The following FLVCR1 variants were observed in gnomAD, a reference collection of about 807,000 sequenced individuals.
FLVCR1 encodes the protein FLVCR choline and heme transporter 1, also known as choline/ethanolamine transporter FLVCR1.
In FLVCR1, 34 loss-of-function variants were observed where a neutral mutation model predicts 53.6. The ratio of observed to expected loss-of-function variants is 0.63; its 90% confidence interval spans 0.48 to 0.84. The LOEUF (loss-of-function observed/expected upper bound fraction) is 0.84. Among genes scored for constraint, FLVCR1 ranks in the 40% least tolerant of loss-of-function variants. The pLI is 0.00. For synonymous variants in FLVCR1, 300 were observed against 286.3 expected, an observed-to-expected ratio of 1.05 and a Z score of -0.48; for missense variants, 677 against 696.7, an observed-to-expected ratio of 0.97 and a Z score of 0.32.
At chr1:212,879,549 G>T (rs10779591) in intron 3 of FLVCR1, among the ~76,000 whole-genome samples, 70,448 of 151,914 alleles carry the variant, frequency 0.46, 17,570 homozygotes, top group East Asian at 0.56. Flanking sequence ...AAAAATTATC[G>T]GTAATAAAGT....
At chr1:212,872,935 C>A in intron 3 of FLVCR1, 117 bp downstream of exon 3, 2 of 999,100 alleles carry the variant, frequency 2.0e-6, no homozygotes, top group Non-Finnish European at 3.1e-6. Flanking sequence ...AACTCTACAG[C>A]ATAATCATGA....
At chr1:212,876,240 T>A (rs1664749149) in intron 3 of FLVCR1, among the ~76,000 whole-genome samples, 1 of 152,150 alleles carries the variant, frequency 6.6e-6, no homozygotes, top group Non-Finnish European at 1.5e-5. Flanking sequence ...CATGTGTCCA[T>A]GTGTTCTCAT....
intron 2 of FLVCR1, among the ~76,000 whole-genome samples, chr1:212,871,502 GTGAAGCGATCC>G (rs1473272313): frequency 3.9e-5 from 6 of 152,082 alleles, no homozygotes; most frequent in Non-Finnish European, 8.8e-5. Context: ...CCTGGGCTCA[GTGAAGCGATCC>G]TGAAGCGATC....
chr1:212,874,054 C>A (rs1281989312), intron 3 of FLVCR1, among the ~76,000 whole-genome samples: 2 of 152,190 alleles, frequency 1.3e-5, no homozygotes, highest in African/African-American at 2.4e-5. Flanking sequence ...GTTGCCCAGA[C>A]TGGAGTGCAG....
Position 212,895,443 on chromosome 1 carries a change from A to G in FLVCR1, c.*153A>G, listed in dbSNP as rs1665308132. The G allele has an allele frequency of 4.5e-6, 3 of 666,328 alleles. No individual in the cohort carries two copies. The highest frequency in any genetic ancestry group is 8.2e-6 in the Non-Finnish European group (3 of 365,808). 41.3% of individuals were successfully genotyped at this position (666,328 alleles called of 1,614,324 possible). A position where few individuals can be genotyped will look rare whatever the true frequency, so the allele number is the denominator to read the frequency against. On this transcript the variant is annotated 3_prime_UTR_variant, in exon 10 of 10. Coordinates refer to ENST00000366971, the MANE Select transcript of FLVCR1 (RefSeq NM_014053.4). Reference sequence around the variant, plus strand: ...TATGAACTCTAAATGCATAATTATTATTTTGCTTAATTGTTAAATTAAGGG... The same window carrying G: ...TATGAACTCTAAATGCATAATTATTGTTTTGCTTAATTGTTAAATTAAGGG...
intron 2 of FLVCR1, among the ~76,000 whole-genome samples, chr1:212,868,081 G>A (rs767140911): frequency 6.6e-6 from 1 of 152,056 alleles, no homozygotes; most frequent in East Asian, 1.9e-4. Flanking sequence ...GGGATTACAG[G>A]TGTGATAATT....
intron 1 of FLVCR1, among the ~76,000 whole-genome samples, chr1:212,861,916 C>A (rs1229687574): frequency 3.3e-5 from 5 of 152,106 alleles, no homozygotes; most frequent in Admixed American, 2.0e-4. Context: ...GTGATCCCCC[C>A]ACCTCGGCCT....
intron 8 of FLVCR1, among the ~76,000 whole-genome samples, chr1:212,890,224 C>T: frequency 6.6e-6 from 1 of 152,154 alleles, no homozygotes; most frequent in East Asian, 1.9e-4. Flanking sequence ...GAACTTTTTC[C>T]AGGTGCATAC....
chr1:212,869,878 T>A (rs1458247599), intron 2 of FLVCR1, among the ~76,000 whole-genome samples: 1 of 152,236 alleles, frequency 6.6e-6, no homozygotes, highest in East Asian at 1.9e-4. Context: ...CAGTTCAGAT[T>A]TGGGCCATTT....
At chr1:212,861,015 G>A (rs973016652) in intron 1 of FLVCR1, among the ~76,000 whole-genome samples, 1 of 152,136 alleles carries the variant, frequency 6.6e-6, no homozygotes, top group African/African-American at 2.4e-5. Flanking sequence ...TTCATCCAGC[G>A]TGGTCTTTTA....
chr1:212,886,765 G>A (rs575875651), intron 5 of FLVCR1, among the ~76,000 whole-genome samples: 1 of 151,970 alleles, frequency 6.6e-6, no homozygotes, highest in South Asian at 2.1e-4. Flanking sequence ...GCGTGCCACT[G>A]GTCTCCAGCC....
intron 2 of FLVCR1, chr1:212,864,556 T>C (rs1664351258): frequency 6.6e-6 from 1 of 152,542 alleles, no homozygotes; most frequent in Non-Finnish European, 1.5e-5. Context: ...TGGGAAACTT[T>C]TGATTTCAGG....
At chr1:212,875,053 T>G (rs993861168) in intron 3 of FLVCR1, among the ~76,000 whole-genome samples, 1 of 152,238 alleles carries the variant, frequency 6.6e-6, no homozygotes, top group Non-Finnish European at 1.5e-5. Context: ...CTATAAGAGC[T>G]GGCTTAATGT....
In FLVCR1 at chr1:212,899,337, CAAAAT is replaced by C. The variant is rs1427329100; in HGVS notation, c.*4051_*4055del. On this transcript the variant is annotated 3_prime_UTR_variant, in exon 10 of 10. Transcript: ENST00000366971. ...TGCTTGTTCTTCAGTATTTCAGACTCAAAATAAATTTATTTTTTTATGTTAATTTT... is the reference window on the plus strand; with the variant it reads ...TGCTTGTTCTTCAGTATTTCAGACTCAAATTTATTTTTTTATGTTAATTTT... 2.6e-5 allele frequency: 4 copies of C among 152,084 alleles called. No homozygotes were observed. The highest frequency in any genetic ancestry group is 7.2e-5 in the African/African-American group (3 of 41,392). 9.4% of individuals were successfully genotyped at this position (152,084 alleles called of 1,614,324 possible).
At chr1:212,861,661 A>G (rs1173604760) in intron 1 of FLVCR1, among the ~76,000 whole-genome samples, 1 of 151,200 alleles carries the variant, frequency 6.6e-6, no homozygotes, top group Non-Finnish European at 1.5e-5. Context: ...TTTTTGTTTT[A>G]TTTTTATTTA....
chr1:212,870,508 C>T (rs1399632454), intron 2 of FLVCR1, among the ~76,000 whole-genome samples: 1 of 152,062 alleles, frequency 6.6e-6, no homozygotes, highest in Non-Finnish European at 1.5e-5. Flanking sequence ...GGTAGAATCT[C>T]AAAATCTGTA....
rs1664188755 is a variant in FLVCR1 at position 212,860,350 on chromosome 1, G to GTTTTTTTTTTTTTTTTTGTTTTTTTTTT, written c.738+1177_738+1178insGTTTTTTTTTTTTTTTTTTTTTTTTTTT. ...TATTATAAAGTTTTTTGTGTGTGTG[G>GTTTTTTTTTTTTTTTTTGTTTTTTTTTT]TTTTTTTTTTTTTTTTTTGTAGAAA... is the stretch of plus-strand genomic sequence containing the variant. On this transcript the variant is annotated intron_variant, in intron 1 of 9. Transcript: ENST00000366971. Among the ~76,000 whole-genome samples the GTTTTTTTTTTTTTTTTTGTTTTTTTTTT allele has an allele frequency of 2.3e-5, 2 of 85,824 alleles. 1 individual carries two copies. Among genetic ancestry groups the GTTTTTTTTTTTTTTTTTGTTTTTTTTTT allele is most frequent in the Non-Finnish European group, 4.8e-5 (2 of 41,284 alleles). 56.3% of individuals were successfully genotyped at this position (85,824 alleles called of 152,430 possible). A position where few individuals can be genotyped will look rare whatever the true frequency, so the allele number is the denominator to read the frequency against.
At position 212,888,480 on chromosome 1, in the gene FLVCR1, T is replaced by G; in HGVS notation, c.1308-9T>G. ...AGTTCTTTCTGTAATTCTGGATTTATTTTCCTAGCTTCTTCATGACTGGTT... is the reference window on the plus strand; with the variant it reads ...AGTTCTTTCTGTAATTCTGGATTTAGTTTCCTAGCTTCTTCATGACTGGTT... On this transcript the variant is annotated splice_polypyrimidine_tract_variant and intron_variant, in intron 6 of 9. Transcript: ENST00000366971. The G allele has an allele frequency of 6.3e-7, 1 of 1,593,874 alleles. No individual in the cohort carries two copies. Among genetic ancestry groups the G allele is most frequent in the Non-Finnish European group, 8.6e-7 (1 of 1,161,872 alleles).
intron 2 of FLVCR1, among the ~76,000 whole-genome samples, chr1:212,871,719 A>G (rs1664602137): frequency 6.6e-6 from 1 of 152,144 alleles, no homozygotes; most frequent in African/African-American, 2.4e-5. Context: ...GCCTAACCCT[A>G]AAGAAATCTC....
Sources: gnomAD v4.1 joint callset for allele counts (sites outside exome capture counted in the v4.1 genomes callset) on GRCh38, gnomAD v4.1.1 for gene constraint, MANE v1.5 for transcripts, NCBI Gene and HGNC (gene_info 2026-07-23, HGNC 2026-07-21) for gene names.